ANKS1B: variants seen among roughly 807,000 people sequenced by gnomAD.
ANKS1B encodes ankyrin repeat and sterile alpha motif domain containing 1B.
Under a neutral mutation model 148.3 loss-of-function variants are expected in ANKS1B, and 36 were observed. The ratio of observed to expected loss-of-function variants is 0.24; its 90% confidence interval spans 0.19 to 0.32. ANKS1B has a LOEUF of 0.32. ANKS1B is among the 10% of genes least tolerant of loss of function. ANKS1B has a pLI of 1.00. For synonymous variants in ANKS1B, 542 were observed against 560.8 expected (o/e 0.97, Z 0.47); for missense variants, 1,157 against 1,542.6 (o/e 0.75, Z 4.19).
At chr12:98,944,081 A>G (rs2099841287) in intron 17 of ANKS1B, among the ~76,000 whole-genome samples, 1 of 151,976 alleles carries the variant, frequency 6.6e-6, no homozygotes, top group Admixed American at 6.6e-5. Context: ...GGTTGGAACA[A>G]CTGAGGTCAG....
chr12:99,079,336 G>C (rs1287065029), intron 16 of ANKS1B, among the ~76,000 whole-genome samples: 1 of 152,184 alleles, frequency 6.6e-6, no homozygotes, highest in Non-Finnish European at 1.5e-5. Context: ...ACTGAGGATA[G>C]AGAAGGGGGT....
At chr12:99,470,277 C>T (rs190858070) in intron 10 of ANKS1B, among the ~76,000 whole-genome samples, 1 of 152,156 alleles carries the variant, frequency 6.6e-6, no homozygotes, top group Admixed American at 6.6e-5. Flanking sequence ...AAGTATCAAG[C>T]ATTAAATTAC....
At chr12:99,342,603 T>C (rs1176989914) in intron 12 of ANKS1B, among the ~76,000 whole-genome samples, 2 of 152,036 alleles carry the variant, frequency 1.3e-5, no homozygotes, top group African/African-American at 4.8e-5. Flanking sequence ...AGTATATCTT[T>C]GTATATTTAG....
intron 14 of ANKS1B, among the ~76,000 whole-genome samples, chr12:99,233,733 A>C (rs2087304961): frequency 6.6e-6 from 1 of 152,142 alleles, no homozygotes; most frequent in Admixed American, 6.6e-5. Flanking sequence ...GATAAGTTTC[A>C]AACTACTACA....
intron 11 of ANKS1B, among the ~76,000 whole-genome samples, chr12:99,437,308 C>A (rs1188304079): frequency 6.6e-6 from 1 of 151,930 alleles, no homozygotes; most frequent in African/African-American, 2.4e-5. Context: ...AAAGGCCCCA[C>A]TTTTTAATAC....
At chr12:99,364,213 A>G (rs2092643530) in intron 12 of ANKS1B, among the ~76,000 whole-genome samples, 4 of 152,176 alleles carry the variant, frequency 2.6e-5, no homozygotes. Context: ...TCATGGACTC[A>G]TGCAAAGTAC....
intron 9 of ANKS1B, among the ~76,000 whole-genome samples, chr12:99,555,283 C>T (rs563537095): frequency 8.5e-5 from 13 of 152,066 alleles, no homozygotes; most frequent in African/African-American, 3.1e-4. Context: ...AAGCAGTATA[C>T]AAGCATTCTC....
chr12:99,603,266 T>C (rs2097821074), intron 9 of ANKS1B, among the ~76,000 whole-genome samples: 1 of 152,104 alleles, frequency 6.6e-6, no homozygotes, highest in Non-Finnish European at 1.5e-5. Context: ...TAAAAGCTTC[T>C]TGAGGCTAGG....
At chr12:99,931,436 C>G (rs2094612172) in intron 1 of ANKS1B, among the ~76,000 whole-genome samples, 1 of 152,036 alleles carries the variant, frequency 6.6e-6, no homozygotes, top group Non-Finnish European at 1.5e-5. Flanking sequence ...ACAAATATTC[C>G]TCTACGCAGT....
intron 1 of ANKS1B, among the ~76,000 whole-genome samples, chr12:99,935,004 T>A (rs185027037): frequency 2.0e-5 from 3 of 152,224 alleles, no homozygotes; most frequent in Admixed American, 2.0e-4. Flanking sequence ...TTCCCACTGT[T>A]GGAATATTTG....
At chr12:99,935,393 A>G (rs1003646073) in intron 1 of ANKS1B, among the ~76,000 whole-genome samples, 2 of 151,776 alleles carry the variant, frequency 1.3e-5, no homozygotes, top group Non-Finnish European at 2.9e-5. Flanking sequence ...AGCATCTTAA[A>G]GAACGCACAT....
chr12:99,330,699 T>C (rs1444837487), intron 12 of ANKS1B, among the ~76,000 whole-genome samples: 2 of 151,974 alleles, frequency 1.3e-5, no homozygotes, highest in Non-Finnish European at 2.9e-5. Flanking sequence ...ATTAGATGTT[T>C]CCAGCATTTA....
chr12:99,259,979 G>C (rs1253402489), intron 12 of ANKS1B, among the ~76,000 whole-genome samples: 2 of 152,158 alleles, frequency 1.3e-5, no homozygotes, highest in East Asian at 3.9e-4. Context: ...AAGAGGTTTT[G>C]TTTCTCTCTT....
chr12:99,791,609 T>C (rs10735371), intron 4 of ANKS1B, among the ~76,000 whole-genome samples: 72,654 of 151,650 alleles, frequency 0.48, 17,886 homozygotes, highest in East Asian at 0.56. Flanking sequence ...AGAGAAATTT[T>C]GGAAACTATG....
intron 9 of ANKS1B, among the ~76,000 whole-genome samples, chr12:99,653,181 T>TA (rs2098432931): frequency 6.6e-6 from 1 of 152,104 alleles, no homozygotes; most frequent in African/African-American, 2.4e-5. Flanking sequence ...CTACCAAGCC[T>TA]AAAAAATAAT....
intron 1 of ANKS1B, among the ~76,000 whole-genome samples, chr12:99,867,061 G>T (rs2090852935): frequency 1.3e-5 from 2 of 152,092 alleles, no homozygotes; most frequent in Non-Finnish European, 2.9e-5. Context: ...GTAATTTAAA[G>T]GTCAAAGTTT....
intron 9 of ANKS1B, among the ~76,000 whole-genome samples, chr12:99,531,623 G>A (rs980176773): frequency 1.3e-5 from 2 of 152,186 alleles, no homozygotes; most frequent in African/African-American, 4.8e-5. Flanking sequence ...TGGGCACTGA[G>A]ATTGATTCCG....
At chr12:98,772,431 T>A (rs1377547604) in intron 25 of ANKS1B, among the ~76,000 whole-genome samples, 3 of 152,158 alleles carry the variant, frequency 2.0e-5, no homozygotes, top group African/African-American at 7.2e-5. Context: ...TACCCAAGAC[T>A]AGGTAATTTA....
chr12:99,391,913 A>C (rs1376267014), intron 12 of ANKS1B, among the ~76,000 whole-genome samples: 2 of 152,178 alleles, frequency 1.3e-5, no homozygotes, highest in African/African-American at 4.8e-5. Context: ...TTACCATTAC[A>C]TCTATATGCA....
Sources: allele counts gnomAD v4.1 joint callset (sites outside exome capture counted in the v4.1 genomes callset), GRCh38; gene constraint gnomAD v4.1.1; transcripts MANE v1.5; gene names NCBI Gene and HGNC (gene_info 2026-07-23, HGNC 2026-07-21).